PCNX2: variants seen among roughly 807,000 people sequenced by gnomAD.
PCNX2 encodes pecanex-like protein 2.
In PCNX2, 168 loss-of-function variants were observed where a neutral mutation model predicts 223.8. The observed-to-expected ratio is 0.75, with a 90% CI of 0.66 to 0.85. The LOEUF (loss-of-function observed/expected upper bound fraction) is 0.85. Among genes scored for constraint, PCNX2 ranks in the 40% least tolerant of loss-of-function variants. PCNX2 has a pLI of 0.00. For synonymous variants in PCNX2, 1,006 were observed against 1,052.6 expected, an observed-to-expected ratio of 0.96 and a Z score of 0.86; for missense variants, 2,507 against 2,675.5, an observed-to-expected ratio of 0.94 and a Z score of 1.39.
At chr1:233,071,632 G>A (rs1043658519) in intron 23 of PCNX2, among the ~76,000 whole-genome samples, 17 of 152,178 alleles carry the variant, frequency 1.1e-4, no homozygotes, top group Non-Finnish European at 2.2e-4. Flanking sequence ...CTTTAGGACA[G>A]AGCGATTTAT....
intron 17 of PCNX2, among the ~76,000 whole-genome samples, chr1:233,170,916 A>G (rs1410627404): frequency 1.3e-5 from 2 of 152,240 alleles, no homozygotes; most frequent in African/African-American, 4.8e-5. Flanking sequence ...AGTTAATGGT[A>G]CGGGCTGAGC....
chr1:233,183,388 C>A (rs1413621596), intron 15 of PCNX2, among the ~76,000 whole-genome samples: 1 of 152,090 alleles, frequency 6.6e-6, no homozygotes, highest in Non-Finnish European at 1.5e-5. Context: ...CATATCCTTG[C>A]GAGAATGACT....
intron 13 of PCNX2, among the ~76,000 whole-genome samples, chr1:233,200,871 C>T (rs894524587): frequency 6.0e-5 from 9 of 150,822 alleles, no homozygotes; most frequent in African/African-American, 2.2e-4. Flanking sequence ...AAAAAAAATA[C>T]AAAAATTAGC....
chr1:233,273,814 G>A (rs1285365231), intron 1 of PCNX2, among the ~76,000 whole-genome samples: 3 of 151,950 alleles, frequency 2.0e-5, no homozygotes, highest in African/African-American at 4.8e-5. Flanking sequence ...TAGTGGAGAC[G>A]GGGTTTCACC....
Position 233,171,309 on chromosome 1 carries a change from CTTT to C in PCNX2, c.3273+6490_3273+6492del, listed in dbSNP as rs748731390. ...CCAAGACCACTTTTTTTTTTTAAATCTTTTTTTTTCTCCTCAAATTACTTTTAA... is the reference window on the plus strand; with the variant it reads ...CCAAGACCACTTTTTTTTTTTAAATCTTTTTTCTCCTCAAATTACTTTTAA... On this transcript the variant is annotated intron_variant, in intron 17 of 33. Coordinates refer to ENST00000258229, the MANE Select transcript of PCNX2 (RefSeq NM_014801.4). Among the ~76,000 whole-genome samples the C allele has an allele frequency of 3.3e-4, 49 of 150,096 alleles. No homozygotes were observed. In the East Asian group the frequency reaches 9.6e-3, roughly 29 times the overall value.
rs556827299 is a variant in PCNX2, at chr1:233,093,006, A to G, written c.3946+2749T>C. Among the ~76,000 whole-genome samples the G allele has an allele frequency of 8.5e-4, 130 of 152,234 alleles. 1 individual carries two copies. Among genetic ancestry groups the G allele is most frequent in the Middle Eastern group, 3.4e-3 (1 of 294 alleles). ...AGTAGAGACGGGGTTTCACCGTGTT[A>G]GCCAGGATGGTCTCAATCTCCTGAC... On this transcript the variant is annotated intron_variant, in intron 22 of 33. Transcript: ENST00000258229.
At chr1:233,136,985 C>A (rs527582439) in intron 20 of PCNX2, among the ~76,000 whole-genome samples, 2 of 152,306 alleles carry the variant, frequency 1.3e-5, no homozygotes, top group East Asian at 3.9e-4. Flanking sequence ...CTGGTTCAAA[C>A]TGTGGGAGAT....
chr1:233,262,867 C>T (rs1301801714), intron 2 of PCNX2, 91 bp downstream of exon 2: 2 of 1,182,122 alleles, frequency 1.7e-6, no homozygotes, highest in Admixed American at 1.9e-5. Context: ...TCTGCCTATA[C>T]TAGTAATTTC....
chr1:233,060,286 C>T (rs1295584181), intron 23 of PCNX2, among the ~76,000 whole-genome samples: 1 of 152,142 alleles, frequency 6.6e-6, no homozygotes, highest in Non-Finnish European at 1.5e-5. Context: ...TTTAATTTCA[C>T]CTTAAGACCT....
intron 12 of PCNX2, among the ~76,000 whole-genome samples, chr1:233,209,390 A>C (rs1681696056): frequency 6.6e-6 from 1 of 152,230 alleles, no homozygotes; most frequent in Non-Finnish European, 1.5e-5. Flanking sequence ...GAAAAGATAC[A>C]ACATCAACTT....
the PCNX2 span, among the ~76,000 whole-genome samples, chr1:233,311,043 C>T: frequency 6.6e-6 from 1 of 152,192 alleles, no homozygotes; most frequent in Non-Finnish European, 1.5e-5. Context: ...TAGCAGGAAG[C>T]CGCAAGTTAT....
intron 8 of PCNX2, among the ~76,000 whole-genome samples, chr1:233,237,358 C>T (rs761339537): frequency 1.3e-5 from 2 of 152,136 alleles, no homozygotes; most frequent in Non-Finnish European, 2.9e-5. Context: ...ATTCTCCAGA[C>T]ACCAACCAGG....
the PCNX2 span, among the ~76,000 whole-genome samples, chr1:233,307,243 C>T: frequency 3.9e-5 from 6 of 152,176 alleles, no homozygotes; most frequent in African/African-American, 9.7e-5. Context: ...TGATCCCCAA[C>T]GGTGGAGGTG....
chr1:233,045,600 A>G (rs1474524667), intron 25 of PCNX2, among the ~76,000 whole-genome samples: 1 of 152,178 alleles, frequency 6.6e-6, no homozygotes, highest in South Asian at 2.1e-4. Flanking sequence ...ATAGAAACTA[A>G]AGAGTCAGAC....
In PCNX2 at chr1:233,017,086, C is replaced by T. The variant is rs774246306; in HGVS notation, c.4674G>A (p.Lys1558=). The part of the protein sequence containing the change: ...LSWIKNESLL[K]SLQPFAKWHY... ...GCCACTTGGCAAAGGGCTGCAGGGA[C>T]TTCAGAAGTGATTCATTTTTGATCC... Residue 1558 remains lysine (K), a synonymous_variant, in exon 27 of 34, where the codon AAG becomes AAA. Coordinates refer to ENST00000258229, the MANE Select transcript of PCNX2 (RefSeq NM_014801.4). 1.4e-5 allele frequency: 23 copies of T among 1,611,238 alleles called. No individual in the cohort carries two copies. Among genetic ancestry groups the T allele is most frequent in the Non-Finnish European group, 1.8e-5 (21 of 1,179,192 alleles).
intron 8 of PCNX2, among the ~76,000 whole-genome samples, chr1:233,243,016 C>T (rs1407884336): frequency 6.6e-6 from 1 of 152,188 alleles, no homozygotes; most frequent in Non-Finnish European, 1.5e-5. Flanking sequence ...ACCAAAGATA[C>T]CTGCTCTATG....
chr1:233,068,570 G>A (rs1359095606), intron 23 of PCNX2, among the ~76,000 whole-genome samples: 1 of 152,060 alleles, frequency 6.6e-6, no homozygotes, highest in African/African-American at 2.4e-5. Context: ...ATGACATCAT[G>A]GTACAAGCAG....
Position 233,253,025 on chromosome 1 carries a change from A to G in PCNX2, c.1835-237T>C, listed in dbSNP as rs1350295034. ...GTTATTTAGGTGTCTACAAACACCT[A>G]CTATTTTATATACAGGTTGAGGGAC... is the stretch of plus-strand genomic sequence containing the variant. On this transcript the variant is annotated intron_variant, in intron 5 of 33. Coordinates refer to ENST00000258229, the MANE Select transcript of PCNX2 (RefSeq NM_014801.4). This position sits in a 1 kb window ranked among gnomAD's most constrained non-coding sequence, Gnocchi z 4.2. Among the ~76,000 whole-genome samples, 2 of 152,228 alleles carry G rather than the reference A, an allele frequency of 1.3e-5. No homozygotes were observed. Among genetic ancestry groups the G allele is most frequent in the African/African-American group, 4.8e-5 (2 of 41,460 alleles).
chr1:233,289,193 T>C, intron 1 of PCNX2: 2 of 841,964 alleles, frequency 2.4e-6, no homozygotes, highest in Non-Finnish European at 4.2e-6. Context: ...CACTGAACTT[T>C]TTCTCCAATT....
Sources: allele counts gnomAD v4.1 joint callset (sites outside exome capture counted in the v4.1 genomes callset), GRCh38; gene constraint gnomAD v4.1.1; non-coding constraint Gnocchi (gnomAD v3.1); transcripts MANE v1.5; gene names NCBI Gene and HGNC (gene_info 2026-07-23, HGNC 2026-07-21).